NRCAM: variants seen among roughly 807,000 people sequenced by gnomAD.
The protein encoded by NRCAM is neuronal cell adhesion molecule, also known as NgCAM-related cell adhesion molecule.
A neutral mutation model predicts 156.5 loss-of-function variants in NRCAM; 83 were observed. That is an observed-to-expected ratio of 0.53 (90% CI 0.44 to 0.64). The LOEUF is 0.64. Among genes scored for constraint, NRCAM ranks in the 30% least tolerant of loss-of-function variants. NRCAM has a pLI of 0.00. For missense variants in NRCAM, 1,417 were observed against 1,597.3 expected (o/e 0.89, Z 1.92); for synonymous variants, 538 against 563.9 (o/e 0.95, Z 0.65).
chr7:108,324,875 T>TA (rs1023448337), intron 2 of NRCAM, among the ~76,000 whole-genome samples: 3 of 117,530 alleles, frequency 2.6e-5, no homozygotes, highest in African/African-American at 6.3e-5. Context: ...TTTGGCACTG[T>TA]ACTTTTTTTT....
At chr7:108,444,371 C>CTT (rs55925720) in intron 1 of NRCAM, among the ~76,000 whole-genome samples, 28 of 150,674 alleles carry the variant, frequency 1.9e-4, no homozygotes, top group Admixed American at 7.3e-4. Flanking sequence ...GCTGTATTCT[C>CTT]TTTTTTTTTG....
chr7:108,266,698 G>C (rs1199582755), intron 3 of NRCAM, among the ~76,000 whole-genome samples: 2 of 152,146 alleles, frequency 1.3e-5, no homozygotes, highest in Admixed American at 6.5e-5. Flanking sequence ...TCTATATTTA[G>C]AACTGGGTCT....
intron 2 of NRCAM, among the ~76,000 whole-genome samples, chr7:108,344,291 G>A (rs199962621): frequency 6.6e-6 from 1 of 152,184 alleles, no homozygotes; most frequent in Non-Finnish European, 1.5e-5. Context: ...CAATCAGGTA[G>A]TAAAGAGAGC....
chr7:108,173,405 G>T (rs1277555487), intron 28 of NRCAM, among the ~76,000 whole-genome samples: 1 of 152,058 alleles, frequency 6.6e-6, no homozygotes, highest in Non-Finnish European at 1.5e-5. Flanking sequence ...ATTAAAATTT[G>T]GGAGGATAGT....
At chr7:108,366,265 T>C (rs1302945952) in intron 2 of NRCAM, among the ~76,000 whole-genome samples, 1 of 152,220 alleles carries the variant, frequency 6.6e-6, no homozygotes, top group Non-Finnish European at 1.5e-5. Context: ...ATAGGCATAA[T>C]ACATATCAGA....
intron 1 of NRCAM, among the ~76,000 whole-genome samples, chr7:108,439,347 A>G (rs1423504548): frequency 1.3e-5 from 2 of 152,256 alleles, no homozygotes; most frequent in African/African-American, 2.4e-5. Context: ...ATATTTGATA[A>G]GGAACTTGTA....
chr7:108,356,578 C>G, intron 2 of NRCAM, among the ~76,000 whole-genome samples: 1 of 152,028 alleles, frequency 6.6e-6, no homozygotes, highest in East Asian at 1.9e-4. Flanking sequence ...AAAAATTGTT[C>G]TTTTTTTGAG....
In NRCAM at chr7:108,171,628, C is replaced by G. The variant is rs541983167; in HGVS notation, c.3188-3226G>C. Among the ~76,000 whole-genome samples the G allele has an allele frequency of 2.6e-4, 40 of 151,642 alleles. No individual in the cohort carries two copies. The South Asian group carries it at 7.9e-3, about 30-fold the overall frequency. On this transcript the variant is annotated intron_variant, in intron 28 of 32. Transcript: ENST00000379028. ...TGAAGCTTTTCCTGATCCTGCTTGG[C>G]AAAAAAAATGGTTCACACCTCTATA...
chr7:108,245,714 T>C (rs926764554), intron 3 of NRCAM, among the ~76,000 whole-genome samples: 1 of 152,194 alleles, frequency 6.6e-6, no homozygotes, highest in African/African-American at 2.4e-5. Flanking sequence ...TAAGCAATAA[T>C]TTAAGGACAT....
intron 2 of NRCAM, among the ~76,000 whole-genome samples, chr7:108,397,829 T>C (rs2099781310): frequency 6.6e-6 from 1 of 152,232 alleles, no homozygotes; most frequent in African/African-American, 2.4e-5. Context: ...TGCTTTGAAT[T>C]TCCTTTTATC....
Position 108,207,616 on chromosome 7 carries a change from G to A in NRCAM, c.1119C>T (p.Ser373=), listed in dbSNP as rs373073967. ...WITAPQNLVL[S]PGEDGTLICR... The stretch of plus-strand genomic sequence containing the variant: ...AGATCAAGGTCCCATCCTCTCCTGG[G>A]GACAGCACAAGATTTTGAGGGGCTG... Residue 373 remains serine (S), a synonymous_variant, in exon 13 of 33, where the codon TCC becomes TCT. Transcript: ENST00000379028. 1 of 1,613,764 alleles carries A rather than the reference G, an allele frequency of 6.2e-7. No individual in the cohort carries two copies. The highest frequency in any genetic ancestry group is 8.5e-7 in the Non-Finnish European group (1 of 1,179,808).
chr7:108,426,640 A>G (rs1817648848), intron 1 of NRCAM, among the ~76,000 whole-genome samples: 1 of 152,200 alleles, frequency 6.6e-6, no homozygotes. Context: ...GCAGATTAAG[A>G]CCACCTGTCA....
At chr7:108,216,999 C>T (rs1289538959) in intron 11 of NRCAM, among the ~76,000 whole-genome samples, 1 of 152,098 alleles carries the variant, frequency 6.6e-6, no homozygotes, top group East Asian at 1.9e-4. Flanking sequence ...GAGGCATTCT[C>T]GTTTTTGGAA....
At chr7:108,298,766 C>T (rs2098508007) in intron 3 of NRCAM, among the ~76,000 whole-genome samples, 1 of 151,774 alleles carries the variant, frequency 6.6e-6, no homozygotes, top group Admixed American at 6.6e-5. Context: ...AATTTTCCTT[C>T]CTTTGTCTCT....
intron 32 of NRCAM, among the ~76,000 whole-genome samples, chr7:108,158,139 C>T (rs909114744): frequency 6.6e-6 from 1 of 152,090 alleles, no homozygotes; most frequent in African/African-American, 2.4e-5. Flanking sequence ...TTACAAAACC[C>T]TCTTGGGTGA....
At chr7:108,217,955 C>T (rs2153650594) in intron 11 of NRCAM, among the ~76,000 whole-genome samples, 1 of 152,226 alleles carries the variant, frequency 6.6e-6, no homozygotes, top group South Asian at 2.1e-4. Context: ...GTTCCAGGCA[C>T]CACTGGGGTA....
chr7:108,281,026 T>C (rs988091540), intron 3 of NRCAM, among the ~76,000 whole-genome samples: 3 of 152,198 alleles, frequency 2.0e-5, no homozygotes, highest in Non-Finnish European at 2.9e-5. Context: ...TAATCTGCTG[T>C]CTGCTCTTTG....
chr7:108,415,565 TA>T (rs1251452579), intron 1 of NRCAM, among the ~76,000 whole-genome samples: 2 of 152,190 alleles, frequency 1.3e-5, no homozygotes, highest in African/African-American at 4.8e-5. Flanking sequence ...ATGGTTGGCC[TA>T]CATCCTAATT....
At chr7:108,258,780 C>T (rs1484871728) in intron 3 of NRCAM, among the ~76,000 whole-genome samples, 1 of 152,188 alleles carries the variant, frequency 6.6e-6, no homozygotes, top group Non-Finnish European at 1.5e-5. Context: ...AAAAGCCTAA[C>T]AAACAAGCAC....
Sources: gnomAD v4.1 joint callset for allele counts (sites outside exome capture counted in the v4.1 genomes callset) on GRCh38, gnomAD v4.1.1 for gene constraint, MANE v1.5 for transcripts, NCBI Gene and HGNC (gene_info 2026-07-23, HGNC 2026-07-21) for gene names.